The following FAM228B variants were observed in gnomAD, a reference collection of about 807,000 sequenced individuals.
FAM228B encodes the protein protein FAM228B.
Under a neutral mutation model 42.6 loss-of-function variants are expected in FAM228B, and 38 were observed. That is an observed-to-expected ratio of 0.89 (90% CI 0.69 to 1.17). The LOEUF is 1.17. Among genes scored for constraint, FAM228B ranks in the 50% most tolerant of loss-of-function variants. The pLI, the probability that FAM228B is intolerant of heterozygous loss-of-function variation, is 0.00. For missense variants in FAM228B, 344 were observed against 367.3 expected (o/e 0.94, Z 0.52); for synonymous variants, 109 against 122.3 (o/e 0.89, Z 0.72).
chr2:24,144,372 A>C (rs1205661487), intron 5 of FAM228B, among the ~76,000 whole-genome samples: 3 of 152,120 alleles, frequency 2.0e-5, no homozygotes, highest in Non-Finnish European at 4.4e-5. Context: ...AGGAGGTTGA[A>C]GCTGCGGTGA....
At chr2:24,121,026 T>G (rs1379761897), upstream of FAM228B, 10 of 1,161,642 alleles carry the variant, frequency 8.6e-6, no homozygotes, top group Non-Finnish European at 1.2e-5. Flanking sequence ...TTCCTGGCAC[T>G]AGACTGCTAT....
At chr2:24,116,625 C>A (rs946886964) in intron 3 of FAM228B, among the ~76,000 whole-genome samples, 6 of 152,040 alleles carry the variant, frequency 3.9e-5, no homozygotes, top group African/African-American at 1.2e-4. Flanking sequence ...GAGGCTGAGG[C>A]GGGCAGATCA....
chr2:24,165,682 C>G lies in FAM228B; in HGVS notation c.932+1347C>G, dbSNP rs574286760. 2.0e-5 allele frequency among the ~76,000 whole-genome samples: 3 copies of G among 152,246 alleles called. No homozygotes were observed. The East Asian group carries it at 5.8e-4, about 29-fold the overall frequency. On this transcript the variant is annotated intron_variant, in intron 9 of 10. Transcript: ENST00000615575. ...TTATATCCTGGTGCTTGACTCCTTC[C>G]TCTCCCAGCATGTGCAATAAATGAA...
chr2:24,159,569 A>C (rs1558394977), intron 7 of FAM228B, among the ~76,000 whole-genome samples: 1 of 152,246 alleles, frequency 6.6e-6, no homozygotes, highest in East Asian at 1.9e-4. Context: ...GGGTACATCC[A>C]AGAGGAAACA....
At chr2:24,158,926 G>C (rs1667224265) in intron 7 of FAM228B, among the ~76,000 whole-genome samples, 1 of 152,194 alleles carries the variant, frequency 6.6e-6, no homozygotes, top group Admixed American at 6.5e-5. Flanking sequence ...TAACGTCCAG[G>C]TACTGGCAGG....
intron 7 of FAM228B, among the ~76,000 whole-genome samples, chr2:24,155,525 ATATATATTTTT>A (rs1319340052): frequency 0.012 from 564 of 48,126 alleles, 2 homozygotes; most frequent in Admixed American, 0.015. Flanking sequence ...ATATATATAT[ATATATATTTTT>A]TTTTTTTTTT....
Position 24,077,837 on chromosome 2 carries a change from T to C in FAM228B, c.-290+868T>C. On this transcript the variant is annotated intron_variant, in intron 1 of 10. Transcript: ENST00000613899. The surrounding 1 kb of genome is among the most constrained non-coding windows in gnomAD (Gnocchi z 5.5). ...CCCTCCTCATCCTCCTCAGCCTTCT[T>C]GCTCTCTCTGAAGCCACGTATCTGA... The C allele has an allele frequency of 6.6e-7, 1 of 1,509,718 alleles. No homozygotes were observed. Among genetic ancestry groups the C allele is most frequent in the Non-Finnish European group, 9.0e-7 (1 of 1,117,194 alleles). The allele number at this position is 1,509,718 out of a possible 1,614,324, so 93.5% of individuals were successfully genotyped here.
chr2:24,094,542 T>C (rs909994350), intron 2 of FAM228B, among the ~76,000 whole-genome samples: 3 of 151,990 alleles, frequency 2.0e-5, no homozygotes, highest in Non-Finnish European at 2.9e-5. Context: ...CGGAGTAAAA[T>C]GTTGTGATCA....
chr2:24,153,762 G>A (rs999761898), intron 7 of FAM228B, among the ~76,000 whole-genome samples: 7 of 152,158 alleles, frequency 4.6e-5, no homozygotes, highest in Non-Finnish European at 7.4e-5. Context: ...AGCCCAACAT[G>A]AGGAATTGCC....
At chr2:24,092,577 A>C (rs923200017) in intron 2 of FAM228B, among the ~76,000 whole-genome samples, 4 of 151,996 alleles carry the variant, frequency 2.6e-5, no homozygotes, top group African/African-American at 9.7e-5. Context: ...CTGTCTCCAT[A>C]AAAAAAAGAA....
At chr2:24,121,282 G>C, upstream of FAM228B, 1 of 1,614,124 alleles carries the variant, frequency 6.2e-7, no homozygotes, top group Non-Finnish European at 8.5e-7. Context: ...ACCAGTGTTC[G>C]GACATCACTG....
chr2:24,130,566 T>C (rs988402896), intron 2 of FAM228B, among the ~76,000 whole-genome samples: 5 of 152,200 alleles, frequency 3.3e-5, no homozygotes, highest in Admixed American at 3.3e-4. Context: ...ATCAGTGATG[T>C]TGAGATTTTT....
intron 9 of FAM228B, 107 bp downstream of exon 9, chr2:24,164,442 A>C: frequency 1.6e-6 from 2 of 1,251,670 alleles, no homozygotes; most frequent in Non-Finnish European, 2.1e-6. Flanking sequence ...CCAGGAAGAG[A>C]GGAGGCAGTG....
intron 4 of FAM228B, among the ~76,000 whole-genome samples, chr2:24,138,755 A>C (rs1666666369): frequency 6.6e-6 from 1 of 151,144 alleles, no homozygotes; most frequent in Non-Finnish European, 1.5e-5. Context: ...TGGGAGTTCG[A>C]GACCAGCCTG....
chr2:24,156,651 A>G (rs1285203695), intron 7 of FAM228B, among the ~76,000 whole-genome samples: 2 of 152,022 alleles, frequency 1.3e-5, no homozygotes, highest in Non-Finnish European at 2.9e-5. Flanking sequence ...AATAAAAATA[A>G]TAATAATTTG....
At chr2:24,160,092 G>A (rs1667253013) in intron 7 of FAM228B, among the ~76,000 whole-genome samples, 1 of 151,392 alleles carries the variant, frequency 6.6e-6, no homozygotes. Context: ...GGGCTCAAGT[G>A]ATTCCCCACT....
chr2:24,164,858 C>T (rs1667366586), intron 9 of FAM228B, among the ~76,000 whole-genome samples: 1 of 152,118 alleles, frequency 6.6e-6, no homozygotes. Context: ...ACCCACGCTT[C>T]CTCACTCGGC....
intron 4 of FAM228B, among the ~76,000 whole-genome samples, chr2:24,138,735 C>A (rs1419918286): frequency 6.6e-6 from 1 of 151,582 alleles, no homozygotes; most frequent in Non-Finnish European, 1.5e-5. Context: ...GCAGGTGGAT[C>A]ACCTGAGGTT....
At chr2:24,108,807 A>G (rs761251862) in intron 3 of FAM228B, among the ~76,000 whole-genome samples, 3 of 151,588 alleles carry the variant, frequency 2.0e-5, no homozygotes, top group Non-Finnish European at 2.9e-5. Flanking sequence ...AGGCTGAGGC[A>G]GGAGAATGGC....
Sources: gnomAD v4.1 joint callset for allele counts (sites outside exome capture counted in the v4.1 genomes callset) on GRCh38, gnomAD v4.1.1 for gene constraint, Gnocchi (gnomAD v3.1) non-coding constraint, MANE v1.5 for transcripts, NCBI Gene and HGNC (gene_info 2026-07-23, HGNC 2026-07-21) for gene names.